Variants in NBN observed in about 807,000 individuals in gnomAD.
The protein encoded by NBN is Nijmegen breakage syndrome 1 (nibrin).
In NBN, 88 loss-of-function variants were observed where a neutral mutation model predicts 90.8. That is an observed-to-expected ratio of 0.97 (90% CI 0.82 to 1.16). NBN has a LOEUF of 1.16. Ranked by LOEUF, NBN falls within the 50% of genes most tolerant of loss-of-function variation. The pLI is 0.00. For missense variants in NBN, 894 were observed against 869.6 expected, an observed-to-expected ratio of 1.03 and a Z score of -0.35; for synonymous variants, 328 against 295.1, an observed-to-expected ratio of 1.11 and a Z score of -1.14.
chr8:89,943,330 T>C lies in NBN; in HGVS notation c.2107A>G (p.Ile703Val), dbSNP rs942302974. 6.2e-7 allele frequency: 1 copy of C among 1,611,128 alleles called. No individual in the cohort carries two copies. The highest frequency in any genetic ancestry group is 1.3e-5 in the African/African-American group (1 of 74,968). ...YPGAGKLPHI[I>V]GGSDLIAHHA... ...TGAGCTATTAGATCTGATCCTCCAA[T>C]GATGTGTGGAAGTTTTCCTGCTCCA... Residue 703 changes from isoleucine to valine, a missense_variant, in exon 14 of 16, where the codon ATT becomes GTT. By Grantham distance (29) the Ile-to-Val change is conservative. Coordinates refer to ENST00000265433, the MANE Select transcript of NBN (RefSeq NM_002485.5).
At chr8:89,958,603 G>T (rs1810840532) in intron 9 of NBN, 122 bp downstream of exon 9, 4 of 1,179,272 alleles carry the variant, frequency 3.4e-6, no homozygotes, top group Admixed American at 1.8e-5. Flanking sequence ...ATTTTCCCTG[G>T]TATCCCATTC....
chr8:89,939,436 A>T (rs747867149), intron 14 of NBN, among the ~76,000 whole-genome samples: 19 of 131,132 alleles, frequency 1.4e-4, no homozygotes, highest in Non-Finnish European at 2.6e-4. Flanking sequence ...CTAATGAAAT[A>T]AGCAAAAAAA....
intron 8 of NBN, among the ~76,000 whole-genome samples, chr8:89,964,139 T>C (rs1811128988): frequency 6.7e-6 from 1 of 149,118 alleles, no homozygotes; most frequent in South Asian, 2.1e-4. Context: ...GAACTTACCA[T>C]GTGTGTGTGT....
chr8:89,974,551 A>C (rs1811663878), intron 5 of NBN, among the ~76,000 whole-genome samples: 1 of 152,136 alleles, frequency 6.6e-6, no homozygotes, highest in Non-Finnish European at 1.5e-5. Context: ...CCTGAGTCAC[A>C]GCAAAGCAAG....
chr8:89,971,232 G>T lies in NBN; in HGVS notation c.643C>A (p.Arg215=). 6.2e-7 allele frequency: 1 copy of T among 1,613,124 alleles called. No individual in the cohort carries two copies. The highest frequency in any genetic ancestry group is 8.5e-7 in the Non-Finnish European group (1 of 1,179,492). ...TTGAAGATTTGTTTTCTTTCCTGCC[G>T]TCCTGACAGATCAACATTTTTACTT... is the stretch of plus-strand genomic sequence containing the variant. ...IGSKNVDLSG[R]QERKQIFKGK... The change falls in exon 6 of 16, where the codon CGG becomes AGG. Residue 215 remains arginine (R), a synonymous_variant. Coordinates refer to ENST00000265433, the MANE Select transcript of NBN (RefSeq NM_002485.5).
Position 89,978,294 on chromosome 8 carries a change from T to C in NBN, c.510A>G (p.Pro170=), listed in dbSNP as rs772311947. ...KTICALICGR[P]IVKPEYFTEF... Reference sequence around the variant, plus strand: ...CAGTAAAATATTCTGGCTTTACAATTGGACGTCCACAAATGAGTGCACATA... The same window carrying C: ...CAGTAAAATATTCTGGCTTTACAATCGGACGTCCACAAATGAGTGCACATA... The change falls in exon 5 of 16, where the codon CCA becomes CCG. Residue 170 remains proline (P), a synonymous_variant. Coordinates refer to ENST00000265433, the MANE Select transcript of NBN (RefSeq NM_002485.5). 1.9e-6 allele frequency: 3 copies of C among 1,593,566 alleles called. No individual in the cohort carries two copies. The highest frequency in any genetic ancestry group is 1.7e-6 in the Non-Finnish European group (2 of 1,161,482).
At chr8:89,939,290 A>G (rs1370277740) in intron 14 of NBN, among the ~76,000 whole-genome samples, 1 of 152,216 alleles carries the variant, frequency 6.6e-6, no homozygotes, top group Non-Finnish European at 1.5e-5. Context: ...GAACATTTAC[A>G]TAAATAAGCA....
In NBN at chr8:89,978,399, T is replaced by C. The variant is rs1263723860; in HGVS notation, c.481-76A>G. On this transcript the variant is annotated intron_variant, in intron 4 of 15. Transcript: ENST00000265433. ...TAAAGAAAAGTTTTAAGTTATAAAC[T>C]ACAAAGAGGCTGTTTACATCCATAA... 7 of 1,219,062 alleles carry C rather than the reference T, an allele frequency of 5.7e-6. No individual in the cohort carries two copies. The African/African-American group carries it at 7.6e-5, about 13-fold the overall frequency. 75.5% of individuals were successfully genotyped at this position (1,219,062 alleles called of 1,614,324 possible).
At chr8:89,960,864 AAGG>A (rs1390926411) in intron 8 of NBN, among the ~76,000 whole-genome samples, 1 of 152,188 alleles carries the variant, frequency 6.6e-6, no homozygotes, top group Non-Finnish European at 1.5e-5. Context: ...AAAACAAAGG[AAGG>A]AGGAGAGAAA....
chr8:89,956,400 G>A (rs1810720325), intron 9 of NBN, among the ~76,000 whole-genome samples: 2 of 152,006 alleles, frequency 1.3e-5, no homozygotes, highest in African/African-American at 4.8e-5. Context: ...ACATACGGTT[G>A]TAAATAGAAA....
intron 9 of NBN, among the ~76,000 whole-genome samples, chr8:89,958,448 C>T (rs1810832232): frequency 6.6e-6 from 1 of 152,190 alleles, no homozygotes; most frequent in Admixed American, 6.5e-5. Context: ...TGTCTCTTGA[C>T]AATGACTACA....
chr8:89,956,791 A>G (rs1345162569), intron 9 of NBN, among the ~76,000 whole-genome samples: 1 of 152,240 alleles, frequency 6.6e-6, no homozygotes, highest in East Asian at 1.9e-4. Context: ...CAACACTTTC[A>G]ATTACAGTCA....
At chr8:89,956,981 G>C (rs951140011) in intron 9 of NBN, among the ~76,000 whole-genome samples, 5 of 152,110 alleles carry the variant, frequency 3.3e-5, no homozygotes, top group African/African-American at 1.2e-4. Context: ...TAAAAGTATA[G>C]CACAACAGCA....
rs587780782 is a variant in NBN, at chr8:89,980,830, T to C, written c.384A>G (p.Leu128=). The change falls in exon 4 of 16, where the codon TTA becomes TTG. Residue 128 remains leucine (L), a synonymous_variant. Coordinates refer to ENST00000265433, the MANE Select transcript of NBN (RefSeq NM_002485.5). ...CTCCAAGTTGCAATATAGCTTGATT[T>C]AAAGCAGTTTTCCCAGAGACATCTA... ...SCLDVSGKTA[L]NQAILQLGGF... is the part of the protein sequence containing the mutation. 1.3e-5 allele frequency: 21 copies of C among 1,612,478 alleles called. No individual in the cohort carries two copies. Among genetic ancestry groups the C allele is most frequent in the East Asian group, 2.2e-5 (1 of 44,800 alleles).
intron 11 of NBN, among the ~76,000 whole-genome samples, chr8:89,951,128 CA>C (rs1386817542): frequency 6.6e-6 from 1 of 151,850 alleles, no homozygotes; most frequent in Non-Finnish European, 1.5e-5. Flanking sequence ...CTGGCTAACA[CA>C]GCGAAACCCC....
chr8:89,945,972 A>G (rs567844114), intron 13 of NBN, among the ~76,000 whole-genome samples, 168 bp downstream of exon 13: 7 of 152,282 alleles, frequency 4.6e-5, no homozygotes, highest in Admixed American at 1.3e-4. Context: ...TGTTCAATAT[A>G]TTCATTAACT....
Position 89,934,997 on chromosome 8 carries a change from A to T in NBN, c.*585T>A, listed in dbSNP as rs565126379. Reference sequence around the variant, plus strand: ...AGAATAACATGTAGGTGACATCTGCACCACTGAAGCCATTTTGTTTGGATC... The same window carrying T: ...AGAATAACATGTAGGTGACATCTGCTCCACTGAAGCCATTTTGTTTGGATC... On this transcript the variant is annotated 3_prime_UTR_variant, in exon 16 of 16. Coordinates refer to ENST00000265433, the MANE Select transcript of NBN (RefSeq NM_002485.5). 1 of 233,030 alleles carries T rather than the reference A, an allele frequency of 4.3e-6. No homozygotes were observed. The highest frequency in any genetic ancestry group is 1.8e-4 in the South Asian group (1 of 5,546). The allele number at this position is 233,030 out of a possible 1,614,324, so 14.4% of individuals were successfully genotyped here. A position where few individuals can be genotyped will look rare whatever the true frequency, so the allele number is the denominator to read the frequency against.
At chr8:89,958,664 G>T in intron 9 of NBN, 61 bp downstream of exon 9, 1 of 1,561,884 alleles carries the variant, frequency 6.4e-7, no homozygotes. Context: ...ATTACTTCCT[G>T]AATATACTAT....
chr8:89,969,601 C>G (rs773597887), intron 7 of NBN, among the ~76,000 whole-genome samples: 1 of 152,166 alleles, frequency 6.6e-6, no homozygotes, highest in African/African-American at 2.4e-5. Flanking sequence ...TATTCTATAT[C>G]TAATATACCA....
Sources: gnomAD v4.1 joint callset for allele counts (sites outside exome capture counted in the v4.1 genomes callset) on GRCh38, gnomAD v4.1.1 for gene constraint, MANE v1.5 for transcripts, NCBI Gene and HGNC (gene_info 2026-07-23, HGNC 2026-07-21) for gene names.